The following TUSC3 variants were observed in gnomAD, a reference collection of about 807,000 sequenced individuals.
The protein encoded by TUSC3 is tumor suppressor candidate 3.
A neutral mutation model predicts 44.8 loss-of-function variants in TUSC3; 45 were observed. That is an observed-to-expected ratio of 1.00 (90% CI 0.79 to 1.29). TUSC3 has a LOEUF of 1.29. Among genes scored for constraint, TUSC3 ranks in the 50% most tolerant of loss-of-function variants. The pLI is 0.00. For synonymous variants in TUSC3, 212 were observed against 152.9 expected, an observed-to-expected ratio of 1.39 and a Z score of -2.85; for missense variants, 519 against 437.9, an observed-to-expected ratio of 1.19 and a Z score of -1.65.
chr8:15,670,254 A>G (rs1282459595), intron 5 of TUSC3, among the ~76,000 whole-genome samples: 1 of 151,886 alleles, frequency 6.6e-6, no homozygotes, highest in Non-Finnish European at 1.5e-5. Flanking sequence ...AATGAATAGA[A>G]TAGTTGAGAC....
intron 1 of TUSC3, among the ~76,000 whole-genome samples, chr8:15,540,802 C>G (rs906585158): frequency 1.3e-5 from 2 of 152,188 alleles, no homozygotes; most frequent in African/African-American, 4.8e-5. Flanking sequence ...TTCTGAGCAC[C>G]TCACACCTTT....
intron 3 of TUSC3, 86 bp downstream of exon 3, chr8:15,650,900 T>G: frequency 7.1e-7 from 1 of 1,411,202 alleles, no homozygotes; most frequent in South Asian, 1.2e-5. Flanking sequence ...TACAATTCAT[T>G]CATCGTCTGA....
chr8:15,722,386 A>G (rs1272805002), intron 6 of TUSC3, among the ~76,000 whole-genome samples: 1 of 152,052 alleles, frequency 6.6e-6, no homozygotes, highest in Non-Finnish European at 1.5e-5. Flanking sequence ...GAAGGGACTG[A>G]ATAAGACCAA....
intron 6 of TUSC3, among the ~76,000 whole-genome samples, chr8:15,694,506 C>G (rs1448555483): frequency 6.7e-6 from 1 of 149,810 alleles, no homozygotes; most frequent in Non-Finnish European, 1.5e-5. Flanking sequence ...AGAAGACACT[C>G]TGGCTTTTTG....
chr8:15,751,662 A>C (rs1318837187), intron 9 of TUSC3, among the ~76,000 whole-genome samples: 1 of 141,406 alleles, frequency 7.1e-6, no homozygotes, highest in East Asian at 2.5e-4. Flanking sequence ...AGGCACATCC[A>C]AAAGAAGCCA....
intron 1 of TUSC3, among the ~76,000 whole-genome samples, chr8:15,617,303 C>G (rs1170218261): frequency 6.6e-6 from 1 of 151,786 alleles, no homozygotes; most frequent in Non-Finnish European, 1.5e-5. Context: ...CCACGCCTGG[C>G]TTATTTTTGT....
intron 6 of TUSC3, among the ~76,000 whole-genome samples, chr8:15,681,053 T>G (rs1208874280): frequency 6.6e-6 from 1 of 152,084 alleles, no homozygotes; most frequent in East Asian, 1.9e-4. Flanking sequence ...ATTTTTGTTG[T>G]TGTGTCTTTG....
chr8:15,712,282 G>A (rs1407481672), intron 6 of TUSC3, among the ~76,000 whole-genome samples: 1 of 151,878 alleles, frequency 6.6e-6, no homozygotes, highest in African/African-American at 2.4e-5. Context: ...GAGTACTCAT[G>A]CTGTTGATTC....
chr8:15,658,220 T>A (rs1166230369), intron 3 of TUSC3, among the ~76,000 whole-genome samples: 1 of 152,172 alleles, frequency 6.6e-6, no homozygotes, highest in Non-Finnish European at 1.5e-5. Flanking sequence ...AATGGAAATT[T>A]GATTGCATTT....
chr8:15,635,094 G>C (rs957101911), intron 2 of TUSC3, among the ~76,000 whole-genome samples: 1 of 152,070 alleles, frequency 6.6e-6, no homozygotes, highest in Admixed American at 6.6e-5. Context: ...TGCCACCCAG[G>C]GGATATATTG....
At chr8:15,748,675 A>G in intron 9 of TUSC3, 2 of 702,718 alleles carry the variant, frequency 2.8e-6, no homozygotes, top group Non-Finnish European at 5.3e-6. Flanking sequence ...GACAGCATGT[A>G]GTTTCTTTCT....
chr8:15,791,096 T>C, the TUSC3 span, among the ~76,000 whole-genome samples: 5 of 152,202 alleles, frequency 3.3e-5, no homozygotes, highest in African/African-American at 1.2e-4. Flanking sequence ...ATAGAGATTT[T>C]ATCTTAGAAA....
intron 9 of TUSC3, among the ~76,000 whole-genome samples, chr8:15,755,383 TATTTAA>T (rs1314216854): frequency 6.6e-6 from 1 of 152,168 alleles, no homozygotes; most frequent in Non-Finnish European, 1.5e-5. Context: ...CTGATATAAA[TATTTAA>T]ATTCATTTTT....
intron 6 of TUSC3, among the ~76,000 whole-genome samples, chr8:15,684,020 ACTTAAGAGATAAGGG>A (rs1359784338): frequency 6.6e-6 from 1 of 151,530 alleles, no homozygotes; most frequent in Non-Finnish European, 1.5e-5. Context: ...ACCAGCTGAC[ACTTAAGAGATAAGGG>A]CCTGAAAATA....
chr8:15,680,451 C>G (rs1387193188), intron 6 of TUSC3, among the ~76,000 whole-genome samples: 1 of 151,952 alleles, frequency 6.6e-6, no homozygotes, highest in Non-Finnish European at 1.5e-5. Flanking sequence ...TAGATTGATT[C>G]CTGAAACTTT....
rs150781696 is a variant in TUSC3, at chr8:15,479,578, A to G, written n.92-3808A>G. Among the ~76,000 whole-genome samples the G allele has an allele frequency of 2.8e-3, 425 of 152,240 alleles. 9 individuals carry two copies. In the East Asian group the frequency reaches 0.044, roughly 16 times the overall value. Reference sequence around the variant, plus strand: ...TTGCTTATTTTTGTAAGGTTTGTCAAAGATCAGATGGTTGTAGATATGTGT... The same window carrying G: ...TTGCTTATTTTTGTAAGGTTTGTCAGAGATCAGATGGTTGTAGATATGTGT... On this transcript the variant is annotated intron_variant and non_coding_transcript_variant, in intron 1 of 5. Coordinates refer to the TUSC3 transcript ENST00000503191.
chr8:15,745,105 T>C (rs772163297), intron 8 of TUSC3, among the ~76,000 whole-genome samples: 3 of 152,168 alleles, frequency 2.0e-5, no homozygotes, highest in Non-Finnish European at 4.4e-5. Flanking sequence ...TTCCTATTGA[T>C]GTAAAGGAGA....
At chr8:15,453,958 A>C (rs904490595) in intron 1 of TUSC3, among the ~76,000 whole-genome samples, 1 of 152,304 alleles carries the variant, frequency 6.6e-6, no homozygotes, top group East Asian at 1.9e-4. Flanking sequence ...TCAAGCATGT[A>C]CACTAAGAGG....
At chr8:15,440,397 A>G (rs1216241526) in intron 1 of TUSC3, among the ~76,000 whole-genome samples, 1 of 152,170 alleles carries the variant, frequency 6.6e-6, no homozygotes, top group Non-Finnish European at 1.5e-5. Flanking sequence ...TGTCTTGAGG[A>G]TCTATGCAGA....
Sources: gnomAD v4.1 joint callset for allele counts (sites outside exome capture counted in the v4.1 genomes callset) on GRCh38, gnomAD v4.1.1 for gene constraint, MANE v1.5 for transcripts, NCBI Gene and HGNC (gene_info 2026-07-23, HGNC 2026-07-21) for gene names.